Variants in ATXN8OS observed in about 807,000 individuals in gnomAD.
The protein encoded by ATXN8OS is ATXN8 opposite strand (non-protein coding).
chr13:70,109,574 G>T (rs191739720), intron 1 of ATXN8OS, among the ~76,000 whole-genome samples: 1 of 152,228 alleles, frequency 6.6e-6, no homozygotes, highest in Admixed American at 6.5e-5. Context: ...GTGCACAAAA[G>T]ACCTATTTTT....
intron 3 of ATXN8OS, among the ~76,000 whole-genome samples, chr13:70,146,959 A>G (rs568390476): frequency 1.7e-3 from 252 of 152,324 alleles, no homozygotes; most frequent in African/African-American, 5.9e-3. Context: ...TCTTGATGTT[A>G]GTAAGACATG....
intron 2 of ATXN8OS, among the ~76,000 whole-genome samples, chr13:70,121,516 C>T (rs1025085081): frequency 5.9e-5 from 9 of 151,936 alleles, no homozygotes; most frequent in South Asian, 2.1e-4. Flanking sequence ...ATGAATCATC[C>T]GGAAATATTT....
intron 2 of ATXN8OS, among the ~76,000 whole-genome samples, chr13:70,125,904 G>T (rs771566867): frequency 4.7e-4 from 71 of 152,180 alleles, no homozygotes; most frequent in Non-Finnish European, 9.9e-4. Context: ...ACCACCGGGG[G>T]TTGTGGGAGG....
chr13:70,139,009 C>T (rs1717471778), intron 3 of ATXN8OS, among the ~76,000 whole-genome samples: 1 of 151,996 alleles, frequency 6.6e-6, no homozygotes, highest in South Asian at 2.1e-4. Flanking sequence ...TTAAAATATG[C>T]AGTATGAATT....
chr13:70,133,970 A>G (rs1331499582), intron 3 of ATXN8OS, among the ~76,000 whole-genome samples: 1 of 152,212 alleles, frequency 6.6e-6, no homozygotes, highest in South Asian at 2.1e-4. Flanking sequence ...ATCACATTTT[A>G]TTCATTGGCC....
intron 3 of ATXN8OS, chr13:70,139,406 T>TGCCGCC: frequency 1.3e-6 from 1 of 775,668 alleles, no homozygotes; most frequent in Non-Finnish European, 2.1e-6. Flanking sequence ...CTGCTGCTGC[T>TGCCGCC]GCTGCTGCTG....
intron 2 of ATXN8OS, among the ~76,000 whole-genome samples, chr13:70,120,967 T>G (rs896747263): frequency 2.6e-5 from 4 of 151,990 alleles, no homozygotes; most frequent in Non-Finnish European, 4.4e-5. Context: ...ATATACCTAA[T>G]GTTAAATGAC....
intron 4 of ATXN8OS, among the ~76,000 whole-genome samples, chr13:70,168,758 A>C (rs1224681698): frequency 6.6e-6 from 1 of 152,084 alleles, no homozygotes; most frequent in East Asian, 1.9e-4. Context: ...CATTGTATAT[A>C]TATTTTCTTT....
At chr13:70,161,617 G>T (rs1440049741) in intron 4 of ATXN8OS, among the ~76,000 whole-genome samples, 1 of 150,650 alleles carries the variant, frequency 6.6e-6, no homozygotes, top group Non-Finnish European at 1.5e-5. Flanking sequence ...AGATATCATT[G>T]CCTAACACAC....
At chr13:70,122,305 C>T (rs548889262) in intron 2 of ATXN8OS, among the ~76,000 whole-genome samples, 1 of 152,054 alleles carries the variant, frequency 6.6e-6, no homozygotes, top group Admixed American at 6.6e-5. Flanking sequence ...TCTAGTATTA[C>T]ATCTTTAACT....
intron 4 of ATXN8OS, among the ~76,000 whole-genome samples, chr13:70,153,043 TG>T (rs1337733630): frequency 6.6e-5 from 10 of 151,522 alleles, no homozygotes; most frequent in African/African-American, 1.9e-4. Context: ...TGTGTGTGTG[TG>T]TGTGTGTGTG....
At chr13:70,117,564 C>T (rs913270149) in intron 2 of ATXN8OS, among the ~76,000 whole-genome samples, 4 of 151,968 alleles carry the variant, frequency 2.6e-5, no homozygotes, top group South Asian at 2.1e-4. Context: ...GTGCATTATT[C>T]CTCCTAGTTG....
intron 2 of ATXN8OS, among the ~76,000 whole-genome samples, chr13:70,121,749 CTG>C (rs1274833264): frequency 1.3e-5 from 2 of 151,874 alleles, no homozygotes; most frequent in African/African-American, 4.8e-5. Context: ...ATGTTATAAA[CTG>C]TGATGACTTT....
chr13:70,129,865 C>G, exon 3 of ATXN8OS: 1 of 398,398 alleles, frequency 2.5e-6, no homozygotes, highest in Non-Finnish European at 4.4e-6. Context: ...GAGAATGGCT[C>G]AGAGTCAAGC....
At chr13:70,139,007 T>C (rs1396473581) in intron 3 of ATXN8OS, among the ~76,000 whole-genome samples, 1 of 152,170 alleles carries the variant, frequency 6.6e-6, no homozygotes. Context: ...TTTTAAAATA[T>C]GCAGTATGAA....
intron 3 of ATXN8OS, among the ~76,000 whole-genome samples, chr13:70,144,509 T>A (rs986406872): frequency 1.3e-5 from 2 of 152,276 alleles, no homozygotes; most frequent in African/African-American, 4.8e-5. Flanking sequence ...AATATTCCAC[T>A]GAATTCAATC....
intron 4 of ATXN8OS, among the ~76,000 whole-genome samples, chr13:70,166,771 C>G (rs1482419395): frequency 2.6e-5 from 4 of 152,122 alleles, no homozygotes; most frequent in Non-Finnish European, 4.4e-5. Flanking sequence ...ACCTACTCAT[C>G]TGACAAAGGG....
intron 3 of ATXN8OS, among the ~76,000 whole-genome samples, chr13:70,143,389 T>G (rs1018069997): frequency 6.6e-6 from 1 of 151,862 alleles, no homozygotes; most frequent in Non-Finnish European, 1.5e-5. Context: ...CAGTAATAAA[T>G]CTAAAAAAAA....
chr13:70,165,601 G>A (rs1383033774), intron 4 of ATXN8OS, among the ~76,000 whole-genome samples: 4 of 151,860 alleles, frequency 2.6e-5, no homozygotes, highest in Admixed American at 6.6e-5. Flanking sequence ...AATTATCTGC[G>A]TATCCAAATC....
Sources: gnomAD v4.1 joint callset for allele counts (sites outside exome capture counted in the v4.1 genomes callset) on GRCh38, gnomAD v4.1.1 for gene constraint, MANE v1.5 for transcripts, NCBI Gene and HGNC (gene_info 2026-07-23, HGNC 2026-07-21) for gene names.